SPAG17: variants seen among roughly 807,000 people sequenced by gnomAD.
The protein encoded by SPAG17 is sperm-associated antigen 17.
Under a neutral mutation model 273.6 loss-of-function variants are expected in SPAG17, and 169 were observed. The observed-to-expected ratio is 0.62, with a 90% CI of 0.55 to 0.70. The LOEUF (loss-of-function observed/expected upper bound fraction) is 0.70, where lower values mean the gene tolerates loss of function less well. SPAG17 is among the 30% of genes least tolerant of loss of function. The pLI is 0.00. For missense variants in SPAG17, 2,557 were observed against 2,627.8 expected (o/e 0.97, Z 0.59); for synonymous variants, 825 against 873.2 (o/e 0.94, Z 0.97).
At chr1:118,096,481 A>G (rs1439861822) in intron 7 of SPAG17, among the ~76,000 whole-genome samples, 1 of 151,640 alleles carries the variant, frequency 6.6e-6, no homozygotes, top group Non-Finnish European at 1.5e-5. Flanking sequence ...CTTTGCTTTC[A>G]TTTCAGCTCC....
At chr1:118,108,231 C>T (rs530351349) in intron 4 of SPAG17, among the ~76,000 whole-genome samples, 42 of 152,282 alleles carry the variant, frequency 2.8e-4, no homozygotes, top group South Asian at 1.7e-3. Flanking sequence ...CTCTTTGTCC[C>T]TTTAATTCTG....
chr1:118,003,700 A>G (rs781703540), intron 32 of SPAG17, among the ~76,000 whole-genome samples: 2 of 152,030 alleles, frequency 1.3e-5, no homozygotes, highest in Non-Finnish European at 2.9e-5. Context: ...GGTTTATTCT[A>G]CTTAGCCATT....
chr1:118,150,954 A>T (rs1456518816), intron 2 of SPAG17, among the ~76,000 whole-genome samples: 6 of 152,146 alleles, frequency 3.9e-5, no homozygotes, highest in Non-Finnish European at 8.8e-5. Flanking sequence ...ATTTAACTTG[A>T]ATTAAATATT....
intron 3 of SPAG17, among the ~76,000 whole-genome samples, chr1:118,127,566 T>C (rs1202726630): frequency 6.6e-6 from 1 of 152,214 alleles, no homozygotes; most frequent in Non-Finnish European, 1.5e-5. Context: ...AGGCCCTGCC[T>C]CCAACAGTGG....
intron 20 of SPAG17, among the ~76,000 whole-genome samples, chr1:118,043,703 T>C (rs1650029643): frequency 6.6e-6 from 1 of 152,206 alleles, no homozygotes; most frequent in African/African-American, 2.4e-5. Flanking sequence ...ATTGATTGTT[T>C]ATTATCTAGA....
At chr1:118,179,295 C>G (rs115568119) in intron 1 of SPAG17, among the ~76,000 whole-genome samples, 1 of 151,894 alleles carries the variant, frequency 6.6e-6, no homozygotes, top group Non-Finnish European at 1.5e-5. Flanking sequence ...TTGTAGTAAA[C>G]TCATTTTCAA....
chr1:118,112,515 T>C (rs1245335539), intron 4 of SPAG17, among the ~76,000 whole-genome samples: 2 of 152,122 alleles, frequency 1.3e-5, no homozygotes, highest in Non-Finnish European at 2.9e-5. Context: ...TTTTAAGATA[T>C]AATAAAATCA....
intron 32 of SPAG17, among the ~76,000 whole-genome samples, chr1:118,004,114 C>CACT (rs900610991): frequency 6.6e-6 from 1 of 152,128 alleles, no homozygotes; most frequent in African/African-American, 2.4e-5. Context: ...GCCTGGGTAT[C>CACT]ACTAGTGGAG....
chr1:118,147,881 C>T (rs1292232039), intron 3 of SPAG17, among the ~76,000 whole-genome samples: 1 of 152,186 alleles, frequency 6.6e-6, no homozygotes, highest in African/African-American at 2.4e-5. Flanking sequence ...ATACAGAAGT[C>T]TCACTTTAGT....
chr1:118,151,178 T>C (rs750965444), intron 2 of SPAG17, 51 bp downstream of exon 2: 12 of 1,422,664 alleles, frequency 8.4e-6, no homozygotes, highest in Non-Finnish European at 1.1e-5. Context: ...TATTCTATTA[T>C]TTTAAGTAAA....
chr1:118,010,415 C>A (rs1261183715), intron 30 of SPAG17, among the ~76,000 whole-genome samples: 1 of 151,972 alleles, frequency 6.6e-6, no homozygotes, highest in African/African-American at 2.4e-5. Context: ...AAGCCACACA[C>A]CTACAGTCAT....
intron 31 of SPAG17, among the ~76,000 whole-genome samples, chr1:118,007,675 G>A (rs1213395237): frequency 1.3e-5 from 2 of 152,192 alleles, no homozygotes; most frequent in Non-Finnish European, 2.9e-5. Context: ...GATGGATAAT[G>A]AGAATGAGGG....
intron 3 of SPAG17, among the ~76,000 whole-genome samples, chr1:118,125,321 A>G (rs1466863503): frequency 1.3e-5 from 2 of 152,076 alleles, no homozygotes; most frequent in African/African-American, 4.8e-5. Context: ...GTGTGTAATG[A>G]TTAAATCAGG....
At position 118,075,267 on chromosome 1, in the gene SPAG17, C is replaced by A. The variant is rs75001678; in HGVS notation, c.2210-667G>T. Among the ~76,000 whole-genome samples, 930 of 152,190 alleles carry A rather than the reference C, an allele frequency of 6.1e-3. 6 individuals are homozygous for A. Among genetic ancestry groups the A allele is most frequent in the African/African-American group, 0.021 (891 of 41,528 alleles). On this transcript the variant is annotated intron_variant, in intron 15 of 48. Coordinates refer to ENST00000336338, the MANE Select transcript of SPAG17 (RefSeq NM_206996.4). ...CAATACGAGTCATGCACACTATGGA[C>A]CAATATGAGTCATGCACACTAGCTT...
At chr1:118,064,526 A>C (rs1382406199) in intron 18 of SPAG17, among the ~76,000 whole-genome samples, 1 of 146,828 alleles carries the variant, frequency 6.8e-6, no homozygotes, top group Non-Finnish European at 1.5e-5. Flanking sequence ...CATAGGTCGG[A>C]ATTGAACAAT....
At chr1:118,102,937 G>C (rs1043609077) in intron 4 of SPAG17, among the ~76,000 whole-genome samples, 1 of 152,184 alleles carries the variant, frequency 6.6e-6, no homozygotes, top group African/African-American at 2.4e-5. Context: ...ATGGCTTCTA[G>C]CACCTATGGC....
intron 1 of SPAG17, among the ~76,000 whole-genome samples, chr1:118,164,792 C>G (rs1660086368): frequency 6.6e-6 from 1 of 152,228 alleles, no homozygotes; most frequent in Non-Finnish European, 1.5e-5. Context: ...TAAACTCTTA[C>G]TGCTCTCAGG....
At chr1:118,114,075 T>C (rs1656923405) in intron 4 of SPAG17, among the ~76,000 whole-genome samples, 1 of 152,178 alleles carries the variant, frequency 6.6e-6, no homozygotes, top group Admixed American at 6.6e-5. Context: ...CTACTTTTTA[T>C]AATTCAGATT....
chr1:118,121,186 G>A (rs999844388), intron 3 of SPAG17, among the ~76,000 whole-genome samples: 2 of 152,080 alleles, frequency 1.3e-5, no homozygotes, highest in African/African-American at 4.8e-5. Flanking sequence ...CTCCAGCCAG[G>A]GTCAGAGGAG....
Sources: gnomAD v4.1 joint callset for allele counts (sites outside exome capture counted in the v4.1 genomes callset) on GRCh38, gnomAD v4.1.1 for gene constraint, MANE v1.5 for transcripts, NCBI Gene and HGNC (gene_info 2026-07-23, HGNC 2026-07-21) for gene names.